The following CEP126 variants were observed in gnomAD, a reference collection of about 807,000 sequenced individuals.
The protein encoded by CEP126 is centrosomal protein of 126 kDa.
Under a neutral mutation model 107.8 loss-of-function variants are expected in CEP126, and 74 were observed. The ratio of observed to expected loss-of-function variants is 0.69; its 90% CI spans 0.57 to 0.83. CEP126 has a LOEUF of 0.83. Among genes scored for constraint, CEP126 ranks in the 40% least tolerant of loss-of-function variants. The pLI is 0.00. For missense variants in CEP126, 1,237 were observed against 1,281.9 expected (o/e 0.96, Z 0.53); for synonymous variants, 449 against 446.0 (o/e 1.01, Z -0.08).
intron 2 of CEP126, among the ~76,000 whole-genome samples, chr11:101,923,790 A>G (rs1381914207): frequency 6.6e-6 from 1 of 152,224 alleles, no homozygotes; most frequent in African/African-American, 2.4e-5. Flanking sequence ...TCAGAGATCT[A>G]GGAAATACTA....
chr11:101,945,346 G>A (rs1353534302), intron 3 of CEP126, among the ~76,000 whole-genome samples: 2 of 152,092 alleles, frequency 1.3e-5, no homozygotes, highest in Admixed American at 1.3e-4. Flanking sequence ...CTGAAGCATA[G>A]GATGGGGAAA....
At chr11:101,964,616 G>A (rs1941037876) in intron 6 of CEP126, among the ~76,000 whole-genome samples, 2 of 151,136 alleles carry the variant, frequency 1.3e-5, no homozygotes, top group South Asian at 2.1e-4. Flanking sequence ...TCCAGCCTGG[G>A]CAACAGAGCC....
At chr11:101,949,325 A>G (rs1326967490) in intron 4 of CEP126, among the ~76,000 whole-genome samples, 2 of 152,200 alleles carry the variant, frequency 1.3e-5, no homozygotes, top group Non-Finnish European at 2.9e-5. Flanking sequence ...ATAAGATGAA[A>G]TTGTCTTTTT....
Position 101,928,131 on chromosome 11 carries a change from T to C in CEP126, c.248+5371T>C, listed in dbSNP as rs377276340. Among the ~76,000 whole-genome samples the C allele has an allele frequency of 4.9e-4, 74 of 152,342 alleles. No individual in the cohort carries two copies. In the South Asian group the frequency reaches 0.014, roughly 28 times the overall value. On this transcript the variant is annotated intron_variant, in intron 2 of 10. Transcript: ENST00000263468. ...TTCCCTAATTGCTAGTGATGCAGAT[T>C]ATCTTTTCATATTTTATTTACCATC...
chr11:101,952,897 G>A (rs1940831101), intron 4 of CEP126, among the ~76,000 whole-genome samples: 1 of 152,114 alleles, frequency 6.6e-6, no homozygotes, highest in African/African-American at 2.4e-5. Flanking sequence ...CAGGCTGTTT[G>A]GCTTCAATTA....
chr11:101,981,507 A>G (rs1017546735), intron 7 of CEP126, among the ~76,000 whole-genome samples: 7 of 152,016 alleles, frequency 4.6e-5, no homozygotes, highest in Non-Finnish European at 7.4e-5. Context: ...GTTAGCCAGG[A>G]TGGTCTCGAT....
chr11:101,989,177 A>G (rs1344033502), intron 9 of CEP126, among the ~76,000 whole-genome samples: 2 of 152,202 alleles, frequency 1.3e-5, no homozygotes, highest in African/African-American at 2.4e-5. Flanking sequence ...AGCCATTAAG[A>G]AACACATTTC....
chr11:101,962,646 A>C lies in CEP126; in HGVS notation c.1611A>C (p.Lys537Asn). Residue 537 changes from lysine to asparagine, a missense_variant, in exon 6 of 11, where the codon AAA (lysine) becomes AAC (asparagine). Physicochemically the swap from Lys to Asn is moderately conservative, Grantham distance 94. Coordinates refer to ENST00000263468, the MANE Select transcript of CEP126 (RefSeq NM_020802.4). ...IPHNPDSKDE[K>N]QKLAETSSLS... Reference sequence around the variant, plus strand: ...ACAATCCTGATTCAAAAGATGAAAAACAAAAATTAGCTGAAACATCATCCT... The same window carrying C: ...ACAATCCTGATTCAAAAGATGAAAACCAAAAATTAGCTGAAACATCATCCT... The C allele has an allele frequency of 6.2e-7, 1 of 1,612,812 alleles. No individual in the cohort carries two copies. The highest frequency in any genetic ancestry group is 1.7e-5 in the Admixed American group (1 of 59,818).
intron 2 of CEP126, among the ~76,000 whole-genome samples, chr11:101,943,989 C>A (rs1009089066): frequency 3.3e-5 from 5 of 152,006 alleles, no homozygotes; most frequent in Non-Finnish European, 5.9e-5. Context: ...GCACAGTTTG[C>A]GAGGTGGGAA....
At chr11:101,978,530 G>T in intron 7 of CEP126, 71 bp downstream of exon 7, 8 of 937,768 alleles carry the variant, frequency 8.5e-6, no homozygotes, top group Non-Finnish European at 1.4e-5. Flanking sequence ...GTTCTTAAAG[G>T]ACTATGCTCT....
chr11:101,961,167 G>A (rs564304840), intron 5 of CEP126, among the ~76,000 whole-genome samples: 1 of 152,086 alleles, frequency 6.6e-6, no homozygotes, highest in African/African-American at 2.4e-5. Context: ...CCCCATCCAA[G>A]TATTAAATCA....
At position 101,983,531 on chromosome 11, in the gene CEP126, A is replaced by G. The variant is rs1941281200; in HGVS notation, c.3034+1567A>G. Among the ~76,000 whole-genome samples, 3 of 152,352 alleles carry G rather than the reference A, an allele frequency of 2.0e-5. No individual in the cohort carries two copies. In the South Asian group the frequency reaches 6.2e-4, roughly 32 times the overall value. The stretch of plus-strand genomic sequence containing the variant: ...AACTGAAAATTGAAGAGAACCATGA[A>G]TATTCAACAGGCTGGTTATAGAAAT... On this transcript the variant is annotated intron_variant, in intron 8 of 10. Coordinates refer to ENST00000263468, the MANE Select transcript of CEP126 (RefSeq NM_020802.4).
In CEP126 at chr11:101,987,007, A is replaced by C; in HGVS notation, c.3210A>C (p.Leu1070=). The change falls in exon 9 of 11, where the codon CTA becomes CTC. Residue 1070 remains leucine, a synonymous_variant. Coordinates refer to ENST00000263468, the MANE Select transcript of CEP126 (RefSeq NM_020802.4). ...CTLSAEEQKI[L]ESLNDLSERL... ...TGTCAGCTGAAGAACAGAAGATCCT[A>C]GAGTCCCTTAATGATCTCAGTGAAA... The C allele has an allele frequency of 6.2e-7, 1 of 1,613,014 alleles. No individual in the cohort carries two copies. Among genetic ancestry groups the C allele is most frequent in the Non-Finnish European group, 8.5e-7 (1 of 1,179,210 alleles).
At chr11:101,975,854 T>A (rs535350643) in intron 6 of CEP126, among the ~76,000 whole-genome samples, 7 of 152,214 alleles carry the variant, frequency 4.6e-5, no homozygotes, top group African/African-American at 7.2e-5. Flanking sequence ...TTCCTTATGT[T>A]CTTGTGTTAG....
At chr11:101,975,087 G>T (rs943173285) in intron 6 of CEP126, among the ~76,000 whole-genome samples, 1 of 151,938 alleles carries the variant, frequency 6.6e-6, no homozygotes, top group African/African-American at 2.4e-5. Context: ...AAAATTCCAA[G>T]AATAGAAAAC....
intron 4 of CEP126, chr11:101,956,495 TC>T (rs1205128768): frequency 2.2e-5 from 10 of 456,434 alleles, no homozygotes; most frequent in Non-Finnish European, 4.4e-5. Context: ...CTCAGTTCTC[TC>T]CCTTGCATCT....
At chr11:101,946,232 G>A (rs111300636) in intron 3 of CEP126, among the ~76,000 whole-genome samples, 18 of 152,116 alleles carry the variant, frequency 1.2e-4, no homozygotes, top group Admixed American at 3.9e-4. Context: ...ACGGCCAGCC[G>A]AGGTGGCTTA....
At chr11:101,950,865 A>G (rs551813183) in intron 4 of CEP126, among the ~76,000 whole-genome samples, 1 of 152,350 alleles carries the variant, frequency 6.6e-6, no homozygotes, top group South Asian at 2.1e-4. Context: ...TCCTGTAACC[A>G]GTGCGGAGCC....
intron 2 of CEP126, among the ~76,000 whole-genome samples, chr11:101,928,864 A>C (rs886664223): frequency 1.3e-5 from 2 of 152,236 alleles, no homozygotes; most frequent in East Asian, 1.9e-4. Context: ...TAGGTGTTCT[A>C]ATCTTTGCCT....
Sources: gnomAD v4.1 joint callset for allele counts (sites outside exome capture counted in the v4.1 genomes callset) on GRCh38, gnomAD v4.1.1 for gene constraint, MANE v1.5 for transcripts, NCBI Gene and HGNC (gene_info 2026-07-23, HGNC 2026-07-21) for gene names.